DNER: variants seen among roughly 807,000 people sequenced by gnomAD.
DNER encodes delta and Notch-like epidermal growth factor-related receptor.
Under a neutral mutation model 78.2 loss-of-function variants are expected in DNER, and 33 were observed. The ratio of observed to expected loss-of-function variants is 0.42; its 90% CI spans 0.32 to 0.56. The LOEUF (loss-of-function observed/expected upper bound fraction) is 0.56, where lower values mean the gene tolerates loss of function less well. Among genes scored for constraint, DNER ranks in the 20% least tolerant of loss-of-function variants. The pLI is 0.11. For missense variants in DNER, 918 were observed against 975.3 expected, an observed-to-expected ratio of 0.94 and a Z score of 0.78; for synonymous variants, 417 against 384.8, an observed-to-expected ratio of 1.08 and a Z score of -0.98.
intron 11 of DNER, among the ~76,000 whole-genome samples, chr2:229,384,030 T>A (rs189194336): frequency 2.4e-4 from 37 of 152,200 alleles, no homozygotes; most frequent in Non-Finnish European, 1.6e-4. Flanking sequence ...CCTCAGCACA[T>A]ACAAAAGAAT....
At chr2:229,549,283 A>G (rs1383921368) in intron 4 of DNER, among the ~76,000 whole-genome samples, 1 of 152,206 alleles carries the variant, frequency 6.6e-6, no homozygotes, top group South Asian at 2.1e-4. Flanking sequence ...GATCTTGTGT[A>G]CAAAAAAATT....
intron 1 of DNER, among the ~76,000 whole-genome samples, chr2:229,644,073 A>G (rs1054216615): frequency 4.6e-5 from 7 of 152,162 alleles, no homozygotes; most frequent in African/African-American, 1.7e-4. Context: ...AGACAATGCC[A>G]GCCCAGGGAT....
intron 1 of DNER, among the ~76,000 whole-genome samples, chr2:229,684,598 C>A (rs1699453325): frequency 6.6e-6 from 1 of 152,110 alleles, no homozygotes; most frequent in African/African-American, 2.4e-5. Context: ...GTACCTCAAA[C>A]TGAGCTCCTG....
intron 4 of DNER, among the ~76,000 whole-genome samples, chr2:229,574,324 G>A (rs1357268951): frequency 6.6e-6 from 1 of 151,922 alleles, no homozygotes; most frequent in African/African-American, 2.4e-5. Flanking sequence ...GCAGAAAAAA[G>A]GAAGAAAGAA....
intron 8 of DNER, among the ~76,000 whole-genome samples, chr2:229,431,101 G>A (rs930794412): frequency 6.6e-6 from 1 of 152,068 alleles, no homozygotes; most frequent in South Asian, 2.1e-4. Context: ...TGTAACTTCT[G>A]TAGATGTACT....
intron 1 of DNER, among the ~76,000 whole-genome samples, chr2:229,620,128 C>A (rs1246619359): frequency 6.6e-6 from 1 of 152,176 alleles, no homozygotes; most frequent in African/African-American, 2.4e-5. Context: ...CGGATGGGCA[C>A]CCTCTCAGCC....
intron 5 of DNER, among the ~76,000 whole-genome samples, chr2:229,518,407 A>T (rs1473684789): frequency 2.6e-5 from 4 of 152,266 alleles, no homozygotes; most frequent in Non-Finnish European, 4.4e-5. Flanking sequence ...TCTATGTCAG[A>T]TAACATCCTA....
intron 1 of DNER, among the ~76,000 whole-genome samples, chr2:229,682,853 G>C (rs1366110016): frequency 6.6e-6 from 1 of 150,934 alleles, no homozygotes; most frequent in Non-Finnish European, 1.5e-5. Flanking sequence ...GTCTCAAAGA[G>C]AAAAAAAAGA....
intron 9 of DNER, among the ~76,000 whole-genome samples, chr2:229,413,184 C>G (rs1036106130): frequency 1.1e-4 from 16 of 151,870 alleles, no homozygotes; most frequent in African/African-American, 3.9e-4. Context: ...GGTTTCTGGG[C>G]CATTCTTCAG....
chr2:229,580,197 T>G (rs139392837), intron 4 of DNER: 1 of 152,162 alleles, frequency 6.6e-6, no homozygotes, highest in Non-Finnish European at 1.5e-5. Flanking sequence ...AGTTAAGACG[T>G]CAATTAGAAA....
chr2:229,364,595 G>A (rs1182995897), intron 12 of DNER, among the ~76,000 whole-genome samples: 1 of 152,074 alleles, frequency 6.6e-6, no homozygotes, highest in African/African-American at 2.4e-5. Flanking sequence ...AGTTACATAA[G>A]CAAGACTGGG....
chr2:229,487,085 A>G (rs1016860479), intron 6 of DNER, among the ~76,000 whole-genome samples: 6 of 152,230 alleles, frequency 3.9e-5, no homozygotes, highest in African/African-American at 1.4e-4. Context: ...TCAGAGGCCA[A>G]TGGGTGAAAG....
Position 229,591,569 on chromosome 2 carries a change from A to C in DNER, c.585+11T>G. 6.2e-7 allele frequency: 1 copy of C among 1,610,384 alleles called. No homozygotes were observed. The highest frequency in any genetic ancestry group is 8.5e-7 in the Non-Finnish European group (1 of 1,177,864). On this transcript the variant is annotated intron_variant, in intron 2 of 12. Transcript: ENST00000341772. This position sits in a 1 kb window ranked among gnomAD's most constrained non-coding sequence, Gnocchi z 4.6. Reference sequence around the variant, plus strand: ...TCTAATGTAAAAATGCACATGATATAACGTTCTCACCTCCACTTGATCCCA... The same window carrying C: ...TCTAATGTAAAAATGCACATGATATCACGTTCTCACCTCCACTTGATCCCA...
chr2:229,374,368 A>G (rs369523665), intron 11 of DNER, among the ~76,000 whole-genome samples: 3 of 152,240 alleles, frequency 2.0e-5, no homozygotes, highest in Non-Finnish European at 4.4e-5. Flanking sequence ...AAACCTGCAC[A>G]TGTGCTCCTT....
intron 4 of DNER, among the ~76,000 whole-genome samples, chr2:229,551,425 G>A (rs1427882383): frequency 6.6e-6 from 1 of 151,864 alleles, no homozygotes; most frequent in Non-Finnish European, 1.5e-5. Flanking sequence ...CCTGAGGTCA[G>A]GATTTCAAGA....
intron 6 of DNER, among the ~76,000 whole-genome samples, chr2:229,508,114 T>C (rs1574875909): frequency 6.6e-6 from 1 of 152,156 alleles, no homozygotes; most frequent in African/African-American, 2.4e-5. Flanking sequence ...GAGGCCATAA[T>C]GAGACTCCTT....
At chr2:229,382,559 A>T (rs1186388228) in intron 11 of DNER, among the ~76,000 whole-genome samples, 1 of 152,114 alleles carries the variant, frequency 6.6e-6, no homozygotes. Flanking sequence ...TAACCAGTTT[A>T]CAGAAGAACA....
At chr2:229,568,772 G>A (rs1186661344) in intron 4 of DNER, among the ~76,000 whole-genome samples, 2 of 151,908 alleles carry the variant, frequency 1.3e-5, no homozygotes, top group African/African-American at 2.4e-5. Flanking sequence ...ATGTTGCCCA[G>A]GCTGGCCTTA....
chr2:229,714,042 G>A, intron 1 of DNER, 106 bp downstream of exon 1: 1 of 1,100,192 alleles, frequency 9.1e-7, no homozygotes, highest in Non-Finnish European at 1.2e-6. Context: ...AAGTGGGAAA[G>A]CCTGTGTCAG....
Sources: gnomAD v4.1 joint callset for allele counts (sites outside exome capture counted in the v4.1 genomes callset) on GRCh38, gnomAD v4.1.1 for gene constraint, Gnocchi (gnomAD v3.1) non-coding constraint, MANE v1.5 for transcripts, NCBI Gene and HGNC (gene_info 2026-07-23, HGNC 2026-07-21) for gene names.